Variants in EIF3F observed in about 807,000 individuals in gnomAD.
EIF3F encodes the protein eukaryotic translation initiation factor 3 subunit F.
Under a neutral mutation model 36.0 loss-of-function variants are expected in EIF3F, and 8 were observed. That is an observed-to-expected ratio of 0.22 (90% CI 0.13 to 0.40). EIF3F has a LOEUF of 0.40. Among genes scored for constraint, EIF3F ranks in the 10% least tolerant of loss-of-function variants. EIF3F has a pLI of 1.00. For missense variants in EIF3F, 430 were observed against 467.6 expected (o/e 0.92, Z 0.74); for synonymous variants, 184 against 188.5 (o/e 0.98, Z 0.19).
chr11:7,992,815 C>A, intron 3 of EIF3F, 72 bp from the exon 4 acceptor site: 1 of 1,604,402 alleles, frequency 6.2e-7, no homozygotes, highest in Non-Finnish European at 8.5e-7. Flanking sequence ...CCTGAAGACA[C>A]CCATGCCACT....
At chr11:7,993,613 A>G (rs7935597) in intron 4 of EIF3F, among the ~76,000 whole-genome samples, 63,677 of 152,000 alleles carry the variant, frequency 0.42, 14,198 homozygotes, top group African/African-American at 0.56. Flanking sequence ...TGGAAAGACC[A>G]TGGTCAAAGG....
Position 7,999,627 on chromosome 11 carries a change from T to C in EIF3F, c.*3605T>C, listed in dbSNP as rs1410802236. On this transcript the variant is annotated 3_prime_UTR_variant, in exon 8 of 8. Coordinates refer to ENST00000651655, the MANE Select transcript of EIF3F (RefSeq NM_003754.3). ...ATTAAAGCAATATGGTACTGGTCCA[T>C]AAAAGAACATAAAACCAAATAGTTC... 1.3e-5 allele frequency: 2 copies of C among 152,080 alleles called. No individual in the cohort carries two copies. Among genetic ancestry groups the C allele is most frequent in the Non-Finnish European group, 2.9e-5 (2 of 68,020 alleles). The allele number at this position is 152,080 out of a possible 1,614,324, so 9.4% of individuals were successfully genotyped here. A position where few individuals can be genotyped will look rare whatever the true frequency, so the allele number is the denominator to read the frequency against.
chr11:7,995,292 C>T lies in EIF3F; in HGVS notation c.921C>T (p.Phe307=), dbSNP rs760785526. Residue 307 remains phenylalanine, a synonymous_variant, in exon 7 of 8, where the codon TTC becomes TTT. Transcript: ENST00000651655. ...KVSADNTVGR[F]LMSLVNQVPK... is the part of the protein sequence containing the mutation. ...CAGCTGACAATACTGTGGGCCGCTT[C>T]CTGATGAGCCTGGTTAACCAAGTAC... 1.2e-5 allele frequency: 20 copies of T among 1,614,000 alleles called. No individual in the cohort carries two copies. The highest frequency in any genetic ancestry group is 1.7e-5 in the Non-Finnish European group (20 of 1,180,022).
chr11:7,987,343 TC>T lies in EIF3F; in HGVS notation c.-9del, dbSNP rs769094533. 2.5e-6 allele frequency: 4 copies of T among 1,588,952 alleles called. No individual in the cohort carries two copies. In the Admixed American group the frequency reaches 6.8e-5, roughly 27 times the overall value. On this transcript the variant is annotated 5_prime_UTR_variant, in exon 1 of 8. Coordinates refer to ENST00000651655, the MANE Select transcript of EIF3F (RefSeq NM_003754.3). ...TCATTTCCGCTTCCGCCTCCTTCTT[TC>T]TCGACAAGATGGCCACACCGGCGGT...
rs1942191669 is a variant in EIF3F, at chr11:7,998,977, G to C, written c.*2955G>C. 6.6e-6 allele frequency: 1 copy of C among 152,150 alleles called. No homozygotes were observed. The highest frequency in any genetic ancestry group is 6.6e-5 in the Admixed American group (1 of 15,264). The allele number at this position is 152,150 out of a possible 1,614,324, so 9.4% of individuals were successfully genotyped here. A position where few individuals can be genotyped will look rare whatever the true frequency, so the allele number is the denominator to read the frequency against. ...AGGAAATAGAGACATTGAAGATAAA[G>C]TGGAGCCAGGCACAGTGGCTCATGC... is the stretch of plus-strand genomic sequence containing the variant. On this transcript the variant is annotated 3_prime_UTR_variant, in exon 8 of 8. Transcript: ENST00000651655.
chr11:7,993,838 A>G (rs577291439), intron 4 of EIF3F, among the ~76,000 whole-genome samples: 80 of 151,908 alleles, frequency 5.3e-4, no homozygotes, highest in Admixed American at 3.2e-3. Context: ...TCCAGTATAT[A>G]TATATATATG....
chr11:7,992,861 G>T, intron 3 of EIF3F, 26 bp from the exon 4 acceptor site: 1 of 1,613,452 alleles, frequency 6.2e-7, no homozygotes, highest in South Asian at 1.1e-5. Context: ...ATAGACAGGA[G>T]TCCACCACTG....
At chr11:7,994,008 A>G (rs1942131559) in intron 4 of EIF3F, among the ~76,000 whole-genome samples, 1 of 152,118 alleles carries the variant, frequency 6.6e-6, no homozygotes, top group South Asian at 2.1e-4. Context: ...ATAGCACCCA[A>G]TGTAATTTGG....
At chr11:7,992,410 A>G (rs1942107978) in intron 3 of EIF3F, 1 of 524,204 alleles carries the variant, frequency 1.9e-6, no homozygotes. Context: ...CTACAAAAAC[A>G]TTTTTTAAAA....
chr11:7,995,190 A>T, intron 6 of EIF3F, 64 bp from the exon 7 acceptor site: 1 of 1,604,834 alleles, frequency 6.2e-7, no homozygotes, highest in Middle Eastern at 1.7e-4. Flanking sequence ...GCATGTGCTG[A>T]TGAAATGGTA....
At chr11:7,991,144 G>A (rs1478291013) in intron 1 of EIF3F, among the ~76,000 whole-genome samples, 1 of 151,524 alleles carries the variant, frequency 6.6e-6, no homozygotes, top group Non-Finnish European at 1.5e-5. Context: ...GCAGTGAGCC[G>A]AGATTGCACC....
intron 1 of EIF3F, 98 bp from the exon 2 acceptor site, chr11:7,991,683 T>C (rs1942097171): frequency 1.7e-6 from 2 of 1,166,696 alleles, no homozygotes; most frequent in Non-Finnish European, 2.6e-6. Flanking sequence ...TAGGTGTTCA[T>C]TGACATTGAA....
chr11:7,990,154 G>T (rs1942076027), intron 1 of EIF3F, among the ~76,000 whole-genome samples: 1 of 152,202 alleles, frequency 6.6e-6, no homozygotes, highest in African/African-American at 2.4e-5. Flanking sequence ...TACATCTTTG[G>T]TTAAGTGTGA....
Position 7,999,038 on chromosome 11 carries a change from T to C in EIF3F, c.*3016T>C, listed in dbSNP as rs1942192019. 6.6e-6 allele frequency: 1 copy of C among 151,994 alleles called. No homozygotes were observed. The highest frequency in any genetic ancestry group is 2.1e-4 in the South Asian group (1 of 4,814). 9.4% of individuals were successfully genotyped at this position (151,994 alleles called of 1,614,324 possible). The stretch of plus-strand genomic sequence containing the variant: ...AGCACTTTGGCAGGCTGAGATGGGT[T>C]AATCAAGACCAGAAGTTCAAGACCA... On this transcript the variant is annotated 3_prime_UTR_variant, in exon 8 of 8. Coordinates refer to ENST00000651655, the MANE Select transcript of EIF3F (RefSeq NM_003754.3).
Position 7,995,024 on chromosome 11 carries a change from T to C in EIF3F, c.788T>C (p.Ile263Thr). ...MKTCFSPNRV[I>T]GLSSDLQQVG... ...ACCTGCTTTAGCCCCAACAGAGTGA[T>C]TGGACTCTCAAGTGACTTGCAGCAA... The change falls in exon 6 of 8, where the codon ATT becomes ACT. Residue 263 changes from isoleucine to threonine, a missense_variant. This residue lies in a region of EIF3F where 262 missense variants were observed against 347.4 expected (regional missense o/e 0.75). Coordinates refer to ENST00000651655, the MANE Select transcript of EIF3F (RefSeq NM_003754.3). The C allele has an allele frequency of 1.2e-6, 2 of 1,613,850 alleles. No homozygotes were observed. Among genetic ancestry groups the C allele is most frequent in the South Asian group, 1.1e-5 (1 of 91,062 alleles).
intron 7 of EIF3F, chr11:7,995,710 C>T: frequency 1.7e-6 from 1 of 599,534 alleles, no homozygotes. Flanking sequence ...ATATTCCATC[C>T]ATGGGTTTCA....
Position 7,987,481 on chromosome 11 carries a change from A to C in EIF3F, c.129A>C (p.Pro43=), listed in dbSNP as rs753754616. Residue 43 remains proline, a synonymous_variant, in exon 1 of 8, where the codon CCA becomes CCC. Coordinates refer to ENST00000651655, the MANE Select transcript of EIF3F (RefSeq NM_003754.3). The part of the protein sequence containing the change: ...PAAAPVPAAA[P]ASSSDPAAAA... ...CGGCTCCGGTTCCCGCTGCGGCTCC[A>C]GCCTCATCCTCAGACCCTGCGGCAG... 17 of 1,606,628 alleles carry C rather than the reference A, an allele frequency of 1.1e-5. No individual in the cohort carries two copies. The highest frequency in any genetic ancestry group is 1.4e-5 in the Non-Finnish European group (16 of 1,178,816).
At chr11:7,989,250 C>T (rs186361247) in intron 1 of EIF3F, among the ~76,000 whole-genome samples, 13 of 152,318 alleles carry the variant, frequency 8.5e-5, no homozygotes, top group Admixed American at 7.2e-4. Flanking sequence ...CAAATACTTA[C>T]TCTTTTGGCT....
rs918231552 is a variant in EIF3F at position 7,998,456 on chromosome 11, A to C, written c.*2434A>C. 1 of 152,218 alleles carries C rather than the reference A, an allele frequency of 6.6e-6. No individual in the cohort carries two copies. Among genetic ancestry groups the C allele is most frequent in the Admixed American group, 6.5e-5 (1 of 15,288 alleles). 9.4% of individuals were successfully genotyped at this position (152,218 alleles called of 1,614,324 possible). ...AAGCAGCAAAATCCACAAAAATGCAAAAGACATGGCACTAAATAGACTGAA... is the reference window on the plus strand; with the variant it reads ...AAGCAGCAAAATCCACAAAAATGCACAAGACATGGCACTAAATAGACTGAA... On this transcript the variant is annotated 3_prime_UTR_variant, in exon 8 of 8. Coordinates refer to ENST00000651655, the MANE Select transcript of EIF3F (RefSeq NM_003754.3).
Sources: gnomAD v4.1 joint callset for allele counts (sites outside exome capture counted in the v4.1 genomes callset) on GRCh38, gnomAD v4.1.1 for gene constraint, gnomAD v4.1.1 regional missense constraint, MANE v1.5 for transcripts, NCBI Gene and HGNC (gene_info 2026-07-23, HGNC 2026-07-21) for gene names.